The following SEPHS1 variants were observed in gnomAD, a reference collection of about 807,000 sequenced individuals.
SEPHS1 encodes zincore component SEPHS1.
Under a neutral mutation model 39.2 loss-of-function variants are expected in SEPHS1, and 7 were observed. The ratio of observed to expected loss-of-function variants is 0.18; its 90% CI spans 0.10 to 0.34. The LOEUF (loss-of-function observed/expected upper bound fraction) is 0.34, where lower values mean the gene tolerates loss of function less well. Ranked by LOEUF, SEPHS1 falls within the 10% of genes least tolerant of loss-of-function variation. The pLI, the probability that SEPHS1 is intolerant of heterozygous loss-of-function variation, is 1.00. For missense variants in SEPHS1, 253 were observed against 514.5 expected, an observed-to-expected ratio of 0.49 and a Z score of 4.92; for synonymous variants, 190 against 195.5, an observed-to-expected ratio of 0.97 and a Z score of 0.23.
chr10:13,328,075 T>A (rs768717714), intron 7 of SEPHS1, among the ~76,000 whole-genome samples: 1 of 152,170 alleles, frequency 6.6e-6, no homozygotes, highest in Non-Finnish European at 1.5e-5. Context: ...ATGGTTTGCT[T>A]CCAAATCTTA....
rs199927987 is a variant in SEPHS1 at position 13,328,221 on chromosome 10, G to A, written c.751+130C>T. On this transcript the variant is annotated intron_variant, in intron 7 of 8. Transcript: ENST00000327347. ...TCTATGGAATGCCAACCTGGTACCA[G>A]GAGAAGACGGTCTGTAGTCACTGGC... The A allele has an allele frequency of 6.2e-5, 39 of 629,162 alleles. No homozygotes were observed. In the East Asian group the frequency reaches 9.4e-4, roughly 15 times the overall value. The allele number at this position is 629,162 out of a possible 1,614,324, so 39.0% of individuals were successfully genotyped here. A position where few individuals can be genotyped will look rare whatever the true frequency, so the allele number is the denominator to read the frequency against.
chr10:13,346,533 G>C (rs1386101870), intron 1 of SEPHS1, among the ~76,000 whole-genome samples: 1 of 152,148 alleles, frequency 6.6e-6, no homozygotes, highest in Non-Finnish European at 1.5e-5. Flanking sequence ...ACGATTCCAA[G>C]AAGTCTCCCT....
rs1437152474 is a variant in SEPHS1, at chr10:13,348,034, A to G, written c.-113T>C. 4 of 145,486 alleles carry G rather than the reference A, an allele frequency of 2.7e-5. No homozygotes were observed. The highest frequency in any genetic ancestry group is 1.0e-4 in the African/African-American group (4 of 39,944). 9.0% of individuals were successfully genotyped at this position (145,486 alleles called of 1,614,324 possible). On this transcript the variant is annotated 5_prime_UTR_variant, in exon 1 of 9. Transcript: ENST00000327347. ...TTGCGCCCTCCGCCTCCTCCCGAAA[A>G]CGGGCCGCGGGCCGCTCCCACAATG...
At chr10:13,322,253 T>C (rs919100307) in intron 8 of SEPHS1, among the ~76,000 whole-genome samples, 3 of 151,884 alleles carry the variant, frequency 2.0e-5, no homozygotes, top group African/African-American at 7.3e-5. Context: ...GTGATTCTCC[T>C]GGCTCAGCCT....
chr10:13,319,431 G>GGC, intron 8 of SEPHS1, 75 bp from the exon 9 acceptor site: 1 of 1,469,794 alleles, frequency 6.8e-7, no homozygotes, highest in Non-Finnish European at 9.4e-7. Context: ...CTTCTGCAGA[G>GGC]ATCCAACTTC....
chr10:13,345,708 C>G (rs909726885), intron 1 of SEPHS1, among the ~76,000 whole-genome samples: 1 of 152,056 alleles, frequency 6.6e-6, no homozygotes, highest in Non-Finnish European at 1.5e-5. Context: ...GAAACCCCGT[C>G]TCTACTAAAA....
intron 4 of SEPHS1, among the ~76,000 whole-genome samples, chr10:13,335,951 G>T (rs1168373043): frequency 6.9e-6 from 1 of 144,522 alleles, no homozygotes; most frequent in East Asian, 2.1e-4. Flanking sequence ...CTACACTCCA[G>T]CCTGGGCGAC....
chr10:13,345,102 C>T (rs371397210), intron 1 of SEPHS1, 74 bp from the exon 2 acceptor site: 10 of 614,924 alleles, frequency 1.6e-5, no homozygotes, highest in Admixed American at 7.5e-5. Flanking sequence ...CAAGTGAATA[C>T]ATGACAGCGA....
At chr10:13,336,217 G>A (rs755438016) in intron 4 of SEPHS1, 26 bp downstream of exon 4, 1 of 1,514,604 alleles carries the variant, frequency 6.6e-7, no homozygotes, top group Non-Finnish European at 9.2e-7. Context: ...CACGGACCAG[G>A]CAGCAGCCGG....
At chr10:13,338,893 G>A (rs766747019) in intron 2 of SEPHS1, 85 bp from the exon 3 acceptor site, 2 of 980,800 alleles carry the variant, frequency 2.0e-6, no homozygotes, top group African/African-American at 3.2e-5. Context: ...AACAGGAAGA[G>A]CTCATAAGAT....
intron 7 of SEPHS1, among the ~76,000 whole-genome samples, chr10:13,327,064 C>A (rs905853095): frequency 1.3e-5 from 2 of 151,570 alleles, no homozygotes; most frequent in South Asian, 4.2e-4. Flanking sequence ...ATAGTGAAAC[C>A]CTGTCTCTAC....
chr10:13,344,870 C>G lies in SEPHS1; in HGVS notation c.81G>C (p.Lys27Asn). 1 of 1,607,002 alleles carries G rather than the reference C, an allele frequency of 6.2e-7. No individual in the cohort carries two copies. Among genetic ancestry groups the G allele is most frequent in the Non-Finnish European group, 8.5e-7 (1 of 1,176,538 alleles). Residue 27 changes from lysine (K) to asparagine (N), a missense_variant, in exon 2 of 9, where the codon AAG becomes AAC. This residue lies in a region of SEPHS1 where 123 missense variants were observed against 196.8 expected (regional missense o/e 0.62). Coordinates refer to ENST00000327347, the MANE Select transcript of SEPHS1 (RefSeq NM_012247.5). ...CTTGGGGCACTTTGCAGCCTGTGCCCTTCAGTTCAGTGAATCTGGTTAGCC... is the reference window on the plus strand; with the variant it reads ...CTTGGGGCACTTTGCAGCCTGTGCCGTTCAGTTCAGTGAATCTGGTTAGCC... ...SFRLTRFTEL[K>N]GTGCKVPQDV...
At chr10:13,336,509 A>G in intron 3 of SEPHS1, 159 bp from the exon 4 acceptor site, 1 of 655,156 alleles carries the variant, frequency 1.5e-6, no homozygotes, top group South Asian at 1.7e-5. Context: ...CAGACTGGCA[A>G]CCTTTCCTGC....
chr10:13,346,271 A>G (rs1833918670), intron 1 of SEPHS1, among the ~76,000 whole-genome samples: 1 of 152,220 alleles, frequency 6.6e-6, no homozygotes, highest in Admixed American at 6.5e-5. Context: ...AAACCTCCAG[A>G]CTGATACTTT....
At chr10:13,343,215 C>CT (rs1413238281) in intron 2 of SEPHS1, among the ~76,000 whole-genome samples, 1 of 152,102 alleles carries the variant, frequency 6.6e-6, no homozygotes, top group Admixed American at 6.5e-5. Flanking sequence ...GTATTAATAG[C>CT]TTTTTTTCTT....
rs548969015 is a variant in SEPHS1 at position 13,342,878 on chromosome 10, G to T, written c.193+1880C>A. 9.2e-5 allele frequency among the ~76,000 whole-genome samples: 14 copies of T among 152,132 alleles called. No individual in the cohort carries two copies. In the South Asian group the frequency reaches 2.9e-3, roughly 32 times the overall value. ...AGCCTCCCGAGTAGCTGAAACTACA[G>T]GTGTACACCAGCAAGCCCAGGTAAC... On this transcript the variant is annotated intron_variant, in intron 2 of 8. Transcript: ENST00000327347.
In SEPHS1 at chr10:13,318,053, AAG is replaced by A. The variant is rs931603517; in HGVS notation, c.*1087_*1088del. On this transcript the variant is annotated 3_prime_UTR_variant, in exon 9 of 9. Transcript: ENST00000327347. Reference sequence around the variant, plus strand: ...CCCAACGCTTCTAAAATAATACTAAAAGGGGCATCTGATTATACAAGAGCAAT... The same window carrying A: ...CCCAACGCTTCTAAAATAATACTAAAGGGCATCTGATTATACAAGAGCAAT... 2 of 152,186 alleles carry A rather than the reference AAG, an allele frequency of 1.3e-5. No homozygotes were observed. Among genetic ancestry groups the A allele is most frequent in the African/African-American group, 4.8e-5 (2 of 41,450 alleles). 9.4% of individuals were successfully genotyped at this position (152,186 alleles called of 1,614,324 possible).
chr10:13,320,118 C>A (rs974751412), intron 8 of SEPHS1, among the ~76,000 whole-genome samples: 2 of 152,078 alleles, frequency 1.3e-5, no homozygotes, highest in Non-Finnish European at 2.9e-5. Context: ...GTCATTATAT[C>A]CAAAAGACAA....
intron 2 of SEPHS1, among the ~76,000 whole-genome samples, 169 bp downstream of exon 2, chr10:13,344,589 C>T (rs996496950): frequency 6.6e-6 from 1 of 152,124 alleles, no homozygotes; most frequent in Non-Finnish European, 1.5e-5. Flanking sequence ...GCCTAGTCTT[C>T]ACCATTATGT....
Sources: gnomAD v4.1 joint callset for allele counts (sites outside exome capture counted in the v4.1 genomes callset) on GRCh38, gnomAD v4.1.1 for gene constraint, gnomAD v4.1.1 regional missense constraint, MANE v1.5 for transcripts, NCBI Gene and HGNC (gene_info 2026-07-23, HGNC 2026-07-21) for gene names.